Variants in CLVS1 observed in about 807,000 individuals in gnomAD.
The protein encoded by CLVS1 is clavesin 1, also known as clavesin-1.
CLVS1 carries 10 observed loss-of-function variants against 33.1 expected under a neutral mutation model. The ratio of observed to expected loss-of-function variants is 0.30; its 90% confidence interval spans 0.19 to 0.51. The LOEUF is 0.51. Among genes scored for constraint, CLVS1 ranks in the 20% least tolerant of loss-of-function variants. CLVS1 has a pLI of 0.97. For synonymous variants in CLVS1, 163 were observed against 166.1 expected, an observed-to-expected ratio of 0.98 and a Z score of 0.14; for missense variants, 343 against 433.4, an observed-to-expected ratio of 0.79 and a Z score of 1.85.
At chr8:61,096,321 T>C (rs1805349853) in intron 1 of CLVS1, among the ~76,000 whole-genome samples, 1 of 152,236 alleles carries the variant, frequency 6.6e-6, no homozygotes, top group South Asian at 2.1e-4. Context: ...CTGCATCCTC[T>C]GGTCCTCTGC....
At chr8:60,990,125 CAAAAAAAAAAAAAAAAA>C in the CLVS1 span, among the ~76,000 whole-genome samples, 5 of 38,278 alleles carry the variant, frequency 1.3e-4, 1 homozygote, top group South Asian at 7.2e-3. Flanking sequence ...ACTCCATCTC[CAAAAAAAAAAAAAAAAA>C]AAAAAAAAAA....
At chr8:61,484,799 A>G (rs1803810320) in intron 5 of CLVS1, among the ~76,000 whole-genome samples, 1 of 152,208 alleles carries the variant, frequency 6.6e-6, no homozygotes, top group Non-Finnish European at 1.5e-5. Flanking sequence ...ACACATCTAC[A>G]ACCACCTGAT....
intron 1 of CLVS1, among the ~76,000 whole-genome samples, chr8:61,088,665 A>G (rs969293507): frequency 1.3e-5 from 2 of 152,116 alleles, no homozygotes; most frequent in African/African-American, 4.8e-5. Context: ...TTAGAGTATC[A>G]CTTTTTAATT....
At chr8:61,453,454 G>T (rs1817034779) in intron 3 of CLVS1, among the ~76,000 whole-genome samples, 2 of 152,248 alleles carry the variant, frequency 1.3e-5, no homozygotes, top group African/African-American at 4.8e-5. Flanking sequence ...AGGTTGATCT[G>T]CAGAAAAGGG....
the CLVS1 span, among the ~76,000 whole-genome samples, chr8:60,970,364 C>T: frequency 1.3e-5 from 2 of 152,224 alleles, no homozygotes; most frequent in African/African-American, 4.8e-5. Context: ...CTGGGAATTT[C>T]CTTTATTGTT....
chr8:61,420,985 G>C (rs1815639870), intron 3 of CLVS1, among the ~76,000 whole-genome samples: 1 of 152,112 alleles, frequency 6.6e-6, no homozygotes, highest in South Asian at 2.1e-4. Context: ...AACAAACAAA[G>C]AAACAAACAA....
chr8:61,296,366 A>T (rs942741860), intron 1 of CLVS1, among the ~76,000 whole-genome samples: 1 of 152,200 alleles, frequency 6.6e-6, no homozygotes, highest in Non-Finnish European at 1.5e-5. Context: ...GAAAAATGCA[A>T]CCTCAACTTT....
chr8:61,219,485 C>G (rs1808164367), intron 2 of CLVS1, among the ~76,000 whole-genome samples: 1 of 152,180 alleles, frequency 6.6e-6, no homozygotes, highest in African/African-American at 2.4e-5. Flanking sequence ...ATCTCATTCC[C>G]TTTTACAGCT....
intron 2 of CLVS1, among the ~76,000 whole-genome samples, chr8:61,150,514 G>A (rs1328311215): frequency 6.6e-6 from 1 of 152,164 alleles, no homozygotes; most frequent in Non-Finnish European, 1.5e-5. Context: ...CGTTTGGGAA[G>A]CCTGGCTTTG....
chr8:61,003,755 C>T, the CLVS1 span, among the ~76,000 whole-genome samples: 1 of 152,146 alleles, frequency 6.6e-6, no homozygotes, highest in African/African-American at 2.4e-5. Context: ...TCCATTCGTT[C>T]ATTCACTTAA....
intron 2 of CLVS1, among the ~76,000 whole-genome samples, chr8:61,175,748 G>C (rs1807101603): frequency 1.3e-5 from 2 of 152,280 alleles, no homozygotes; most frequent in South Asian, 4.1e-4. Context: ...TGATCCCCTA[G>C]ACCCTAAGAG....
chr8:61,440,989 T>C (rs1472334663), intron 3 of CLVS1, among the ~76,000 whole-genome samples: 2 of 152,242 alleles, frequency 1.3e-5, no homozygotes, highest in African/African-American at 4.8e-5. Flanking sequence ...TGCTATTGCA[T>C]GAGCACTTCA....
At chr8:61,440,240 TA>T (rs1246425806) in intron 3 of CLVS1, among the ~76,000 whole-genome samples, 2 of 152,244 alleles carry the variant, frequency 1.3e-5, no homozygotes, top group Admixed American at 1.3e-4. Flanking sequence ...GATAATATAA[TA>T]ATAGAACCTC....
chr8:61,432,714 C>T (rs1446183443), intron 3 of CLVS1, among the ~76,000 whole-genome samples: 4 of 152,084 alleles, frequency 2.6e-5, no homozygotes, highest in African/African-American at 9.7e-5. Context: ...ATAGATATAA[C>T]AAAAATCTTA....
intron 2 of CLVS1, among the ~76,000 whole-genome samples, chr8:61,207,333 G>C (rs113742804): frequency 2.0e-5 from 3 of 151,328 alleles, no homozygotes; most frequent in African/African-American, 4.9e-5. Context: ...CTCCAGGAAT[G>C]TGCAGAGGTG....
intron 2 of CLVS1, among the ~76,000 whole-genome samples, chr8:61,324,933 T>G (rs572173549): frequency 2.7e-4 from 41 of 152,254 alleles, no homozygotes; most frequent in African/African-American, 9.6e-4. Context: ...TACCATGGCA[T>G]GGATAATTGC....
intron 1 of CLVS1, among the ~76,000 whole-genome samples, chr8:61,079,697 G>A (rs10097298): frequency 0.42 from 63,516 of 151,948 alleles, 13,957 homozygotes; most frequent in East Asian, 0.62. Flanking sequence ...AGCTGATGAA[G>A]GTCAGAGATT....
intron 2 of CLVS1, chr8:61,202,556 G>A (rs1807756245): frequency 1.7e-6 from 2 of 1,183,762 alleles, no homozygotes; most frequent in Non-Finnish European, 1.2e-6. Flanking sequence ...AATTACGAAG[G>A]CAGCCCAATT....
At chr8:61,472,405 G>T (rs936579252) in intron 5 of CLVS1, among the ~76,000 whole-genome samples, 1 of 151,916 alleles carries the variant, frequency 6.6e-6, no homozygotes, top group Non-Finnish European at 1.5e-5. Flanking sequence ...AAAAGAGAGA[G>T]GAAGGAAACA....
Sources: gnomAD v4.1 joint callset for allele counts (sites outside exome capture counted in the v4.1 genomes callset) on GRCh38, gnomAD v4.1.1 for gene constraint, MANE v1.5 for transcripts, NCBI Gene and HGNC (gene_info 2026-07-23, HGNC 2026-07-21) for gene names.